Variants in PALS2 observed in about 807,000 individuals in gnomAD.
PALS2 encodes the protein protein associated with LIN7 2, MAGUK p55 family member, also known as protein PALS2.
Under a neutral mutation model 61.6 loss-of-function variants are expected in PALS2, and 27 were observed. The observed-to-expected ratio is 0.44, with a 90% confidence interval of 0.32 to 0.60. The LOEUF is 0.60. PALS2 is among the 20% of genes least tolerant of loss of function. PALS2 has a pLI of 0.05. For missense variants in PALS2, 554 were observed against 639.4 expected (o/e 0.87, Z 1.44); for synonymous variants, 236 against 218.6 (o/e 1.08, Z -0.70).
intron 1 of PALS2, among the ~76,000 whole-genome samples, chr7:24,613,525 A>AT (rs1250877719): frequency 2.0e-5 from 3 of 151,840 alleles, no homozygotes; most frequent in South Asian, 2.1e-4. Flanking sequence ...AGTACATACA[A>AT]TGTTTAGTGA....
At chr7:24,602,868 T>A (rs1783768940) in intron 1 of PALS2, among the ~76,000 whole-genome samples, 1 of 152,168 alleles carries the variant, frequency 6.6e-6, no homozygotes, top group South Asian at 2.1e-4. Flanking sequence ...CTCTTGATAG[T>A]AAATGAGTTC....
intron 5 of PALS2, among the ~76,000 whole-genome samples, chr7:24,660,543 A>AAC (rs145784408): frequency 0.027 from 4,011 of 150,858 alleles, 169 homozygotes; most frequent in African/African-American, 0.084. Context: ...CCTATTGACA[A>AAC]ACACACACAC....
rs1462423900 is a variant in PALS2 at position 24,641,934 on chromosome 7, A to T, written c.270+66A>T. The T allele has an allele frequency of 6.0e-6, 9 of 1,493,672 alleles. No individual in the cohort carries two copies. In the East Asian group the frequency reaches 2.0e-4, roughly 34 times the overall value. The allele number at this position is 1,493,672 out of a possible 1,614,324, so 92.5% of individuals were successfully genotyped here. A position where few individuals can be genotyped will look rare whatever the true frequency, so the allele number is the denominator to read the frequency against. On this transcript the variant is annotated intron_variant, in intron 3 of 11. Transcript: ENST00000222644. ...CCCAAAGTATTCTCCTTTACTTTCC[A>T]GTTTAAGGTGATGTTTTCTTCAAAG... is the stretch of plus-strand genomic sequence containing the variant.
At chr7:24,631,891 A>T (rs886498565) in intron 2 of PALS2, among the ~76,000 whole-genome samples, 16 of 152,246 alleles carry the variant, frequency 1.1e-4, no homozygotes, top group Non-Finnish European at 1.6e-4. Context: ...TGCACACTTA[A>T]TAGATCACCT....
At chr7:24,617,778 G>T (rs2128054551) in intron 1 of PALS2, among the ~76,000 whole-genome samples, 1 of 152,308 alleles carries the variant, frequency 6.6e-6, no homozygotes, top group African/African-American at 2.4e-5. Flanking sequence ...CCAACTTGGT[G>T]TCTGGCTTGC....
intron 6 of PALS2, among the ~76,000 whole-genome samples, chr7:24,664,985 A>G (rs1040706543): frequency 6.6e-5 from 10 of 152,170 alleles, no homozygotes; most frequent in African/African-American, 2.4e-4. Flanking sequence ...GGATAGAAAT[A>G]CTAACTTTGT....
At chr7:24,604,433 C>A (rs919153313) in intron 1 of PALS2, among the ~76,000 whole-genome samples, 6 of 151,874 alleles carry the variant, frequency 4.0e-5, no homozygotes, top group African/African-American at 1.5e-4. Flanking sequence ...AAAAAGTATT[C>A]CAACAAGAGA....
At chr7:24,586,143 A>G (rs1783056563) in intron 1 of PALS2, among the ~76,000 whole-genome samples, 1 of 151,722 alleles carries the variant, frequency 6.6e-6, no homozygotes, top group East Asian at 1.9e-4. Flanking sequence ...ATCCATGAAC[A>G]TAGGCTTTGC....
At position 24,622,645 on chromosome 7, in the gene PALS2, C is replaced by T. The variant is rs185696315; in HGVS notation, c.-2-1021C>T. 2.0e-5 allele frequency among the ~76,000 whole-genome samples: 3 copies of T among 148,036 alleles called. No homozygotes were observed. In the East Asian group the frequency reaches 5.9e-4, roughly 29 times the overall value. On this transcript the variant is annotated intron_variant, in intron 1 of 11. Coordinates refer to ENST00000222644, the MANE Select transcript of PALS2 (RefSeq NM_001303037.2). ...CAAATATAAATTGTTTTACTTATTG[C>T]TTTCTAGTCTGGATGCCTTTTCTTT... is the stretch of plus-strand genomic sequence containing the variant.
At position 24,596,206 on chromosome 7, in the gene PALS2, G is replaced by GAACT. The variant is rs1783518633; in HGVS notation, c.-3+22614_-3+22617dup. ...GTTGAGAACGAGAGTGAAGGTAAGG[G>GAACT]AACTGGTCAAGTGACTACTGCAGCA... On this transcript the variant is annotated intron_variant, in intron 1 of 11. Transcript: ENST00000222644. This position sits in a 1 kb window ranked among gnomAD's most constrained non-coding sequence, Gnocchi z 4.5. Among the ~76,000 whole-genome samples the GAACT allele has an allele frequency of 1.3e-5, 2 of 152,082 alleles. No homozygotes were observed. Among genetic ancestry groups the GAACT allele is most frequent in the African/African-American group, 4.8e-5 (2 of 41,422 alleles).
chr7:24,604,882 C>T lies in PALS2; in HGVS notation c.-2-18784C>T, dbSNP rs577060123. Among the ~76,000 whole-genome samples the T allele has an allele frequency of 9.2e-4, 140 of 152,294 alleles. 1 individual carries two copies. Among genetic ancestry groups the T allele is most frequent in the African/African-American group, 3.2e-3 (133 of 41,570 alleles). The stretch of plus-strand genomic sequence containing the variant: ...CTAGGCCATAGCACTGATCAAGCTT[C>T]GGTTATCACCAACTGAGCTGGGGCC... On this transcript the variant is annotated intron_variant, in intron 1 of 11. Transcript: ENST00000222644.
Position 24,693,065 on chromosome 7 carries a change from T to C in PALS2, c.*5451T>C, listed in dbSNP as rs1489059056. The stretch of plus-strand genomic sequence containing the variant: ...ACAAAAGTCGATCAGAAGGGATAGT[T>C]CTCTTCCTTTTTTTCCCCTCCTACT... On this transcript the variant is annotated 3_prime_UTR_variant, in exon 12 of 12. Transcript: ENST00000222644. The C allele has an allele frequency of 1.3e-5, 2 of 152,170 alleles. No individual in the cohort carries two copies. Among genetic ancestry groups the C allele is most frequent in the Non-Finnish European group, 2.9e-5 (2 of 68,002 alleles). 9.4% of individuals were successfully genotyped at this position (152,170 alleles called of 1,614,324 possible). A position where few individuals can be genotyped will look rare whatever the true frequency, so the allele number is the denominator to read the frequency against.
chr7:24,639,405 TAC>T (rs10607962), intron 2 of PALS2, among the ~76,000 whole-genome samples: 13,523 of 148,240 alleles, frequency 0.091, 1,484 homozygotes, highest in African/African-American at 0.25. Flanking sequence ...CTTTGCTGAA[TAC>T]ACACACACAC....
At chr7:24,600,033 C>T (rs1394987924) in intron 1 of PALS2, among the ~76,000 whole-genome samples, 2 of 152,024 alleles carry the variant, frequency 1.3e-5, no homozygotes, top group Admixed American at 6.6e-5. Flanking sequence ...AAGAACCTGC[C>T]TGAGGATCTT....
intron 9 of PALS2, among the ~76,000 whole-genome samples, chr7:24,671,841 AATTG>A (rs1245362242): frequency 6.6e-6 from 1 of 151,932 alleles, no homozygotes; most frequent in Non-Finnish European, 1.5e-5. Flanking sequence ...TTTGAAAATC[AATTG>A]ATTGTAAATG....
At chr7:24,621,620 AG>A (rs1784524079) in intron 1 of PALS2, among the ~76,000 whole-genome samples, 1 of 152,092 alleles carries the variant, frequency 6.6e-6, no homozygotes, top group African/African-American at 2.4e-5. Flanking sequence ...AGATCTGATT[AG>A]AAGAAACAAT....
chr7:24,649,509 A>T, intron 3 of PALS2, 103 bp from the exon 4 acceptor site: 1 of 1,081,606 alleles, frequency 9.2e-7, no homozygotes, highest in Non-Finnish European at 1.2e-6. Context: ...GTGCCTTGGA[A>T]ATTTTTAGTA....
At chr7:24,574,106 C>T (rs916249412) in intron 1 of PALS2, 2 of 152,246 alleles carry the variant, frequency 1.3e-5, no homozygotes, top group African/African-American at 4.8e-5. Context: ...GGGGTGATTC[C>T]GCCGGCTCCC....
At chr7:24,662,493 G>A (rs1786775607) in intron 5 of PALS2, among the ~76,000 whole-genome samples, 2 of 152,164 alleles carry the variant, frequency 1.3e-5, no homozygotes, top group South Asian at 4.1e-4. Flanking sequence ...GTTGGGCTGG[G>A]CGCAGTGGCT....
Sources: allele counts gnomAD v4.1 joint callset (sites outside exome capture counted in the v4.1 genomes callset), GRCh38; gene constraint gnomAD v4.1.1; non-coding constraint Gnocchi (gnomAD v3.1); transcripts MANE v1.5; gene names NCBI Gene and HGNC (gene_info 2026-07-23, HGNC 2026-07-21).